RSU1: variants seen among roughly 807,000 people sequenced by gnomAD.
RSU1 encodes Ras suppressor protein 1.
In RSU1, 26 loss-of-function variants were observed where a neutral mutation model predicts 31.1. The ratio of observed to expected loss-of-function variants is 0.84; its 90% CI spans 0.61 to 1.16. The LOEUF (loss-of-function observed/expected upper bound fraction) is 1.16. Among genes scored for constraint, RSU1 ranks in the 50% most tolerant of loss-of-function variants. The probability of loss-of-function intolerance (pLI) is 0.00; values close to 1 mark genes in which losing one functional copy is unlikely to be tolerated. For synonymous variants in RSU1, 164 were observed against 136.3 expected, an observed-to-expected ratio of 1.20 and a Z score of -1.41; for missense variants, 320 against 339.1, an observed-to-expected ratio of 0.94 and a Z score of 0.44.
intron 8 of RSU1, among the ~76,000 whole-genome samples, chr10:16,672,269 C>G (rs1835122178): frequency 6.6e-6 from 1 of 151,938 alleles, no homozygotes; most frequent in Non-Finnish European, 1.5e-5. Context: ...GAGATCACGC[C>G]ACTGCACTCC....
intron 2 of RSU1, among the ~76,000 whole-genome samples, chr10:16,801,621 G>A (rs11254197): frequency 0.052 from 7,907 of 152,056 alleles, 257 homozygotes; most frequent in African/African-American, 0.095. Context: ...AACATTCATA[G>A]ACATAGACCA....
At chr10:16,647,855 A>C (rs999448473) in intron 8 of RSU1, among the ~76,000 whole-genome samples, 2 of 152,188 alleles carry the variant, frequency 1.3e-5, no homozygotes, top group African/African-American at 2.4e-5. Flanking sequence ...TTTAAAAAAA[A>C]CTCCACCACC....
At chr10:16,703,533 C>T (rs551702946) in intron 7 of RSU1, among the ~76,000 whole-genome samples, 4 of 152,172 alleles carry the variant, frequency 2.6e-5, no homozygotes, top group Admixed American at 2.0e-4. Context: ...TTCTGAACAA[C>T]TAGAAACAAC....
chr10:16,815,126 C>T (rs1033963837), intron 2 of RSU1, among the ~76,000 whole-genome samples: 1 of 152,192 alleles, frequency 6.6e-6, no homozygotes, highest in Non-Finnish European at 1.5e-5. Context: ...ATGGCAGAGC[C>T]GGGCAGGCGC....
Position 16,814,040 on chromosome 10 carries a change from T to A in RSU1, c.109+2933A>T, listed in dbSNP as rs961695784. ...AAAGTAAGAATAATAAAGGGAAAAC[T>A]TGAGATGCAAGAAACAGCTATTCTC... On this transcript the variant is annotated intron_variant, in intron 2 of 8. Coordinates refer to ENST00000345264, the MANE Select transcript of RSU1 (RefSeq NM_012425.4). Among the ~76,000 whole-genome samples, 8 of 152,270 alleles carry A rather than the reference T, an allele frequency of 5.3e-5. No individual in the cohort carries two copies. The East Asian group carries it at 5.8e-4, about 11-fold the overall frequency.
intron 8 of RSU1, among the ~76,000 whole-genome samples, chr10:16,603,100 A>G (rs1341832562): frequency 6.6e-6 from 1 of 152,178 alleles, no homozygotes; most frequent in Admixed American, 6.5e-5. Context: ...TACGAATGGC[A>G]GCGTGTGTCT....
At chr10:16,738,594 A>G (rs1038205443) in intron 7 of RSU1, among the ~76,000 whole-genome samples, 1 of 152,244 alleles carries the variant, frequency 6.6e-6, no homozygotes, top group South Asian at 2.1e-4. Context: ...GTGAAACTAC[A>G]ATCAGCTATT....
chr10:16,641,898 C>G (rs768498382), intron 8 of RSU1, among the ~76,000 whole-genome samples: 1 of 152,190 alleles, frequency 6.6e-6, no homozygotes, highest in Admixed American at 6.5e-5. Flanking sequence ...TGTAGCAGAG[C>G]GGGCAGCAGG....
Position 16,725,486 on chromosome 10 carries a change from C to T in RSU1, c.598+27053G>A, listed in dbSNP as rs776734033. On this transcript the variant is annotated intron_variant, in intron 7 of 8. Transcript: ENST00000345264. ...ATTCAAGTTCAAACTTAATTATCAA[C>T]GAAAGCATCTTGAGCGGGGGGCCTT... Among the ~76,000 whole-genome samples, 10 of 152,184 alleles carry T rather than the reference C, an allele frequency of 6.6e-5. No homozygotes were observed. The East Asian group carries it at 1.2e-3, about 18-fold the overall frequency.
intron 7 of RSU1, among the ~76,000 whole-genome samples, chr10:16,734,997 C>A (rs150248822): frequency 8.5e-5 from 13 of 152,220 alleles, no homozygotes; most frequent in African/African-American, 1.2e-4. Context: ...GGAGTGAGGT[C>A]TAGAAAAAAT....
intron 7 of RSU1, among the ~76,000 whole-genome samples, chr10:16,695,756 A>G (rs1159744900): frequency 6.6e-6 from 1 of 152,244 alleles, no homozygotes; most frequent in Non-Finnish European, 1.5e-5. Context: ...AAGGTCAGAT[A>G]CTAATATTAC....
At chr10:16,668,968 CAT>C (rs141071748) in intron 8 of RSU1, among the ~76,000 whole-genome samples, 4,049 of 152,132 alleles carry the variant, frequency 0.027, 187 homozygotes, top group African/African-American at 0.092. Flanking sequence ...TAGTTATGGC[CAT>C]AGACATGTTC....
At chr10:16,744,088 C>T (rs1836801595) in intron 7 of RSU1, among the ~76,000 whole-genome samples, 1 of 151,248 alleles carries the variant, frequency 6.6e-6, no homozygotes, top group African/African-American at 2.4e-5. Context: ...CATGATCATG[C>T]CACTGCAAGC....
chr10:16,675,175 T>C (rs1427972607), intron 8 of RSU1, among the ~76,000 whole-genome samples: 1 of 130,818 alleles, frequency 7.6e-6, no homozygotes, highest in Non-Finnish European at 1.5e-5. Flanking sequence ...CACTCCAGCC[T>C]GGGTAACAGA....
At chr10:16,745,204 C>T (rs965370832) in intron 7 of RSU1, among the ~76,000 whole-genome samples, 2 of 152,160 alleles carry the variant, frequency 1.3e-5, no homozygotes, top group East Asian at 1.9e-4. Flanking sequence ...TGTGTATGTG[C>T]GTGTGTGTGT....
chr10:16,807,266 A>G (rs1192047813), intron 2 of RSU1, among the ~76,000 whole-genome samples: 1 of 152,252 alleles, frequency 6.6e-6, no homozygotes, highest in Non-Finnish European at 1.5e-5. Context: ...CCTTAAAATT[A>G]TAAGTTACAC....
At chr10:16,676,848 T>C (rs973817084) in intron 8 of RSU1, among the ~76,000 whole-genome samples, 1 of 152,174 alleles carries the variant, frequency 6.6e-6, no homozygotes, top group Non-Finnish European at 1.5e-5. Flanking sequence ...AGGGTGTATC[T>C]AGCAGAAAGA....
At chr10:16,804,666 G>A (rs533621390) in intron 2 of RSU1, among the ~76,000 whole-genome samples, 7 of 152,284 alleles carry the variant, frequency 4.6e-5, no homozygotes, top group African/African-American at 1.7e-4. Context: ...ACCACAAAAA[G>A]ACATGGCGGA....
At chr10:16,753,980 T>C (rs1298542638) in intron 5 of RSU1, among the ~76,000 whole-genome samples, 1 of 152,142 alleles carries the variant, frequency 6.6e-6, no homozygotes, top group Non-Finnish European at 1.5e-5. Flanking sequence ...AGGCTGGTCT[T>C]GAACTCCTAG....
Sources: gnomAD v4.1 joint callset for allele counts (sites outside exome capture counted in the v4.1 genomes callset) on GRCh38, gnomAD v4.1.1 for gene constraint, MANE v1.5 for transcripts, NCBI Gene and HGNC (gene_info 2026-07-23, HGNC 2026-07-21) for gene names.